TECPR1: variants seen among roughly 807,000 people sequenced by gnomAD.
TECPR1 encodes the protein tectonin beta-propeller repeat-containing protein 1.
Under a neutral mutation model 162.4 loss-of-function variants are expected in TECPR1, and 122 were observed. The ratio of observed to expected loss-of-function variants is 0.75; its 90% confidence interval spans 0.65 to 0.87. The LOEUF is 0.87. TECPR1 is among the 40% of genes least tolerant of loss of function. TECPR1 has a pLI of 0.00. For missense variants in TECPR1, 1,432 were observed against 1,618.2 expected (o/e 0.88, Z 1.97); for synonymous variants, 642 against 670.6 (o/e 0.96, Z 0.66).
intron 10 of TECPR1, among the ~76,000 whole-genome samples, chr7:98,235,791 C>G (rs1011021656): frequency 7.1e-6 from 1 of 141,356 alleles, no homozygotes; most frequent in Non-Finnish European, 1.5e-5. Flanking sequence ...GATCACACCA[C>G]TGCACTCCAG....
chr7:98,226,603 T>A (rs1798284485), intron 17 of TECPR1: 1 of 1,038,560 alleles, frequency 9.6e-7, no homozygotes, highest in Non-Finnish European at 1.2e-6. Context: ...TTGTTTCTAT[T>A]ACTAAGTGTT....
rs1171354464 is a variant in TECPR1, at chr7:98,215,628, C to T, written c.*1762G>A. The T allele has an allele frequency of 6.6e-6, 1 of 152,232 alleles. No individual in the cohort carries two copies. The highest frequency in any genetic ancestry group is 1.5e-5 in the Non-Finnish European group (1 of 68,042). The allele number at this position is 152,232 out of a possible 1,614,324, so 9.4% of individuals were successfully genotyped here. On this transcript the variant is annotated 3_prime_UTR_variant, in exon 26 of 26. Transcript: ENST00000447648. ...CACTCTGCCGTTCTGCAGGGTGACGCCCTCCCCGTACCTCGCTGAGAGCCA... is the reference window on the plus strand; with the variant it reads ...CACTCTGCCGTTCTGCAGGGTGACGTCCTCCCCGTACCTCGCTGAGAGCCA...
chr7:98,222,363 G>T (rs764899696), intron 22 of TECPR1, 23 bp downstream of exon 22: 2 of 1,603,334 alleles, frequency 1.2e-6, no homozygotes, highest in Non-Finnish European at 1.7e-6. Flanking sequence ...ACACTGCAGG[G>T]GCTCCTGGGG....
intron 17 of TECPR1, among the ~76,000 whole-genome samples, chr7:98,225,816 G>C (rs1394084498): frequency 6.6e-6 from 1 of 152,088 alleles, no homozygotes; most frequent in Non-Finnish European, 1.5e-5. Flanking sequence ...ACCATACCTG[G>C]CTAATTTATT....
chr7:98,222,360 A>AG (rs1222585396), intron 22 of TECPR1, 26 bp downstream of exon 22: 2 of 1,602,724 alleles, frequency 1.2e-6, no homozygotes, highest in Non-Finnish European at 1.7e-6. Context: ...TGAACACTGC[A>AG]GGGGCTCCTG....
intron 4 of TECPR1, 90 bp downstream of exon 4, chr7:98,244,795 G>A (rs1176031619): frequency 8.2e-6 from 13 of 1,583,428 alleles, no homozygotes; most frequent in Non-Finnish European, 1.1e-5. Flanking sequence ...CCGAGCTCAG[G>A]CACCACAGGG....
In TECPR1 at chr7:98,225,111, G is replaced by A; in HGVS notation, c.2514-9C>T. 2 of 1,561,946 alleles carry A rather than the reference G, an allele frequency of 1.3e-6. No homozygotes were observed. The highest frequency in any genetic ancestry group is 1.4e-5 in the African/African-American group (1 of 73,644). ...GGTCCGTGGGCAGACCCCTGCGGCA[G>A]GACAACAGGGCAGGTGACGAGGGAG... On this transcript the variant is annotated splice_polypyrimidine_tract_variant and intron_variant, in intron 17 of 25. Transcript: ENST00000447648.
At position 98,228,144 on chromosome 7, in the gene TECPR1, G is replaced by A. The variant is rs374908878; in HGVS notation, c.2411-28C>T. 319 of 1,553,156 alleles carry A rather than the reference G, an allele frequency of 2.1e-4. 1 individual carries two copies. Among genetic ancestry groups the A allele is most frequent in the Admixed American group, 4.2e-4 (24 of 56,862 alleles). On this transcript the variant is annotated intron_variant, in intron 16 of 25. Transcript: ENST00000447648. The stretch of plus-strand genomic sequence containing the variant: ...GTGGGGAGAGGTGGCTGCTGGGACC[G>A]AGGCCACATACGCTCCGCTTGGGAC...
In TECPR1 at chr7:98,236,862, G is replaced by A. The variant is rs776301488; in HGVS notation, c.1095C>T (p.Ser365=). ...AVYFRQGVTP[S]ELSGKTWKAI... is the part of the protein sequence containing the mutation. ...CTTTCCAGGTCTTCCCACTGAGCTC[G>A]CTGGGGGTGACACCCTGCCGGAAGT... Residue 365 remains serine, a synonymous_variant, in exon 10 of 26, where the codon AGC becomes AGT. Coordinates refer to ENST00000447648, the MANE Select transcript of TECPR1 (RefSeq NM_015395.3). 2.5e-6 allele frequency: 4 copies of A among 1,581,708 alleles called. No individual in the cohort carries two copies. The highest frequency in any genetic ancestry group is 2.6e-6 in the Non-Finnish European group (3 of 1,166,500).
intron 16 of TECPR1, chr7:98,228,585 G>A (rs1798338429): frequency 4.6e-6 from 1 of 215,980 alleles, no homozygotes. Context: ...GCGTTCCTGG[G>A]GTATCAGGGG....
At chr7:98,224,935 AAC>A (rs1798240130) in intron 18 of TECPR1, 55 bp from the exon 19 acceptor site, 1 of 1,547,652 alleles carries the variant, frequency 6.5e-7, no homozygotes, top group Non-Finnish European at 8.7e-7. Context: ...AGGCAGTCAG[AAC>A]ACTCGAGGAG....
In TECPR1 at chr7:98,215,302, C is replaced by G. The variant is rs565207161; in HGVS notation, c.*2088G>C. On this transcript the variant is annotated 3_prime_UTR_variant, in exon 26 of 26. Coordinates refer to ENST00000447648, the MANE Select transcript of TECPR1 (RefSeq NM_015395.3). ...CTGGGAAAACCCAGCTGGAGCCGAA[C>G]GGCCCGTGCCCCCACTGTAATTGTG... The G allele has an allele frequency of 5.3e-5, 8 of 152,262 alleles. No homozygotes were observed. Among genetic ancestry groups the G allele is most frequent in the Non-Finnish European group, 1.0e-4 (7 of 68,046 alleles). 9.4% of individuals were successfully genotyped at this position (152,262 alleles called of 1,614,324 possible).
At chr7:98,235,851 A>AAAAAAAAAAAAAAAAAAAAACAACAC (rs1554401451) in intron 10 of TECPR1, among the ~76,000 whole-genome samples, 1 of 147,362 alleles carries the variant, frequency 6.8e-6, no homozygotes, top group African/African-American at 2.5e-5. Flanking sequence ...AAAAAAAAAA[A>AAAAAAAAAAAAAAAAAAAAACAACAC]CACCATCTGA....
intron 9 of TECPR1, among the ~76,000 whole-genome samples, 186 bp from the exon 10 acceptor site, chr7:98,237,107 C>T (rs1040765689): frequency 6.6e-6 from 1 of 151,884 alleles, no homozygotes; most frequent in Non-Finnish European, 1.5e-5. Flanking sequence ...GGAGAAGCTG[C>T]GACCTGGTCC....
intron 15 of TECPR1, 68 bp downstream of exon 15, chr7:98,230,893 C>A: frequency 1.3e-6 from 2 of 1,550,072 alleles, no homozygotes; most frequent in Non-Finnish European, 1.7e-6. Flanking sequence ...CTCTGGATCC[C>A]CCTTCTGTAA....
chr7:98,238,496 C>T lies in TECPR1; in HGVS notation c.1035+13G>A. The T allele has an allele frequency of 1.3e-6, 2 of 1,553,520 alleles. No individual in the cohort carries two copies. Among genetic ancestry groups the T allele is most frequent in the Non-Finnish European group, 8.7e-7 (1 of 1,148,614 alleles). ...ACCCCTGCTGTTTAGGGGCTGCAGACCCACGTGCACACCTGGTCGTTCATT... is the reference window on the plus strand; with the variant it reads ...ACCCCTGCTGTTTAGGGGCTGCAGATCCACGTGCACACCTGGTCGTTCATT... On this transcript the variant is annotated intron_variant, in intron 9 of 25. Coordinates refer to ENST00000447648, the MANE Select transcript of TECPR1 (RefSeq NM_015395.3).
intron 11 of TECPR1, 141 bp from the exon 12 acceptor site, chr7:98,233,113 C>G: frequency 9.5e-7 from 1 of 1,055,990 alleles, no homozygotes; most frequent in Non-Finnish European, 1.3e-6. Flanking sequence ...CACCCTTTGC[C>G]CTGTTGGATG....
chr7:98,251,685 C>G (rs1728716294), intron 1 of TECPR1, 137 bp from the exon 2 acceptor site: 2 of 152,278 alleles, frequency 1.3e-5, no homozygotes, highest in Non-Finnish European at 2.9e-5. Context: ...ACTTGGGTGA[C>G]AGGTGGGGCC....
Position 98,231,057 on chromosome 7 carries a change from T to G in TECPR1, c.2186A>C (p.Gln729Pro). ...SRKVQGRPSPQAIWSITCKGD... is the reference protein window; with the variant it reads ...SRKVQGRPSPPAIWSITCKGD... ...CTTGCAGGTGATGGACCAGATGGCC[T>G]GCGGGGACGGGCGGCCCTGCACCTT... Residue 729 changes from glutamine (Q) to proline (P), a missense_variant, in exon 15 of 26, where the codon CAG (glutamine) becomes CCG (proline). Coordinates refer to ENST00000447648, the MANE Select transcript of TECPR1 (RefSeq NM_015395.3). The G allele has an allele frequency of 6.2e-7, 1 of 1,611,486 alleles. No homozygotes were observed. Among genetic ancestry groups the G allele is most frequent in the Non-Finnish European group, 8.5e-7 (1 of 1,179,214 alleles).
Sources: allele counts gnomAD v4.1 joint callset (sites outside exome capture counted in the v4.1 genomes callset), GRCh38; gene constraint gnomAD v4.1.1; transcripts MANE v1.5; gene names NCBI Gene and HGNC (gene_info 2026-07-23, HGNC 2026-07-21).